Variants in DLGAP2 observed in about 807,000 individuals in gnomAD.
DLGAP2 encodes disks large-associated protein 2.
In DLGAP2, 26 loss-of-function variants were observed where a neutral mutation model predicts 100.3. The ratio of observed to expected loss-of-function variants is 0.26; its 90% CI spans 0.19 to 0.36. The LOEUF (loss-of-function observed/expected upper bound fraction) is 0.36. Among genes scored for constraint, DLGAP2 ranks in the 10% least tolerant of loss-of-function variants. The pLI is 1.00. For synonymous variants in DLGAP2, 886 were observed against 630.1 expected (o/e 1.41, Z -6.08); for missense variants, 1,858 against 1,453.2 (o/e 1.28, Z -4.53).
rs368303387 is a variant in DLGAP2, at chr8:1,303,191, C to A, written c.106+44308C>A. ...GGCGGGTGGATCACAAGGTCAGGAGCTCAAGACCATCCTGGCTAACACGGT... is the reference window on the plus strand; with the variant it reads ...GGCGGGTGGATCACAAGGTCAGGAGATCAAGACCATCCTGGCTAACACGGT... On this transcript the variant is annotated intron_variant, in intron 3 of 14. Transcript: ENST00000637795. 1.9e-3 allele frequency among the ~76,000 whole-genome samples: 296 copies of A among 152,172 alleles called. 1 individual carries two copies. Among genetic ancestry groups the A allele is most frequent in the African/African-American group, 6.4e-3 (266 of 41,530 alleles).
At chr8:907,228 A>G (rs1584880660) in intron 1 of DLGAP2, among the ~76,000 whole-genome samples, 1 of 152,220 alleles carries the variant, frequency 6.6e-6, no homozygotes, top group East Asian at 1.9e-4. Flanking sequence ...AGTATTTAGG[A>G]TAAAAGTTCA....
At chr8:895,258 G>C (rs894369720) in intron 1 of DLGAP2, among the ~76,000 whole-genome samples, 1 of 152,084 alleles carries the variant, frequency 6.6e-6, no homozygotes, top group Non-Finnish European at 1.5e-5. Context: ...ATGCAGGACG[G>C]ATACATCATA....
At chr8:1,195,817 C>T (rs1797738171) in intron 2 of DLGAP2, among the ~76,000 whole-genome samples, 1 of 152,186 alleles carries the variant, frequency 6.6e-6, no homozygotes, top group Non-Finnish European at 1.5e-5. Context: ...GTGACCTGCT[C>T]CGAGGCCTTG....
chr8:1,232,911 A>G (rs1264007868), intron 2 of DLGAP2, among the ~76,000 whole-genome samples: 1 of 152,208 alleles, frequency 6.6e-6, no homozygotes, highest in African/African-American at 2.4e-5. Flanking sequence ...TTTTATCATC[A>G]TTAGTAACCA....
intron 6 of DLGAP2, among the ~76,000 whole-genome samples, chr8:1,625,424 A>AAATGTT (rs1242437768): frequency 1.3e-5 from 2 of 152,254 alleles, no homozygotes; most frequent in Admixed American, 1.3e-4. Flanking sequence ...AACATTTCAC[A>AAATGTT]AAACGGCGAG....
At chr8:1,427,867 C>T (rs538785835) in intron 3 of DLGAP2, among the ~76,000 whole-genome samples, 50 of 152,232 alleles carry the variant, frequency 3.3e-4, no homozygotes, top group African/African-American at 1.2e-3. Flanking sequence ...GAAAATTGAC[C>T]AATACAGTAC....
chr8:1,306,327 T>C (rs1800490309), intron 3 of DLGAP2, among the ~76,000 whole-genome samples: 1 of 152,062 alleles, frequency 6.6e-6, no homozygotes, highest in Non-Finnish European at 1.5e-5. Flanking sequence ...AAGTAAATAA[T>C]TGCATTTATA....
chr8:1,458,386 G>C (rs775061211), intron 3 of DLGAP2, among the ~76,000 whole-genome samples: 2 of 152,152 alleles, frequency 1.3e-5, no homozygotes, highest in Non-Finnish European at 2.9e-5. Context: ...TCAGGTAGAA[G>C]TTATTCTAAC....
intron 3 of DLGAP2, among the ~76,000 whole-genome samples, chr8:1,334,716 G>C (rs139638610): frequency 1.3e-5 from 2 of 152,010 alleles, no homozygotes; most frequent in Non-Finnish European, 2.9e-5. Flanking sequence ...CAGCCAGGCC[G>C]TGTGCCTTCT....
At chr8:1,373,607 T>C (rs572482892) in intron 3 of DLGAP2, 2 of 152,358 alleles carry the variant, frequency 1.3e-5, no homozygotes, top group South Asian at 4.1e-4. Context: ...AGCGGCGCTT[T>C]CTCTACCCAA....
At chr8:776,639 T>C (rs959916357) in intron 1 of DLGAP2, among the ~76,000 whole-genome samples, 7 of 152,224 alleles carry the variant, frequency 4.6e-5, no homozygotes, top group African/African-American at 1.7e-4. Context: ...GGTTGTTCAG[T>C]TTCCATGTAG....
chr8:1,459,384 A>G (rs1798409956), intron 3 of DLGAP2, among the ~76,000 whole-genome samples: 1 of 152,252 alleles, frequency 6.6e-6, no homozygotes, highest in Non-Finnish European at 1.5e-5. Context: ...GCATGTTAAT[A>G]TTTTAAGCGC....
chr8:890,174 G>C (rs779779869), intron 1 of DLGAP2, among the ~76,000 whole-genome samples: 4 of 152,132 alleles, frequency 2.6e-5, no homozygotes, highest in African/African-American at 4.8e-5. Context: ...GCCTCCAAAC[G>C]GCTCTGCTTC....
In DLGAP2 at chr8:1,045,744, T is replaced by A. The variant is rs111749273; in HGVS notation, c.73+137778T>A. ...ACAGGTGTGTGTGTGTTGTCTGTTT[T>A]GTTCACTTTTGGATGGGGACACCCA... On this transcript the variant is annotated intron_variant, in intron 2 of 14. Transcript: ENST00000637795. 8.6e-3 allele frequency among the ~76,000 whole-genome samples: 1,313 copies of A among 152,322 alleles called. 24 individuals carry two copies. Among genetic ancestry groups the A allele is most frequent in the African/African-American group, 0.029 (1,198 of 41,562 alleles).
At chr8:1,557,995 A>G (rs1173371491) in intron 5 of DLGAP2, among the ~76,000 whole-genome samples, 1 of 152,208 alleles carries the variant, frequency 6.6e-6, no homozygotes, top group Non-Finnish European at 1.5e-5. Context: ...TGGGGAAGGC[A>G]GCTTTCTCCC....
intron 3 of DLGAP2, among the ~76,000 whole-genome samples, chr8:1,325,634 G>T (rs1003533127): frequency 6.6e-6 from 1 of 152,192 alleles, no homozygotes; most frequent in Non-Finnish European, 1.5e-5. Flanking sequence ...TACCCTACAG[G>T]GCCTGAACGG....
chr8:804,648 G>A (rs750292516), intron 1 of DLGAP2, among the ~76,000 whole-genome samples: 2 of 152,202 alleles, frequency 1.3e-5, no homozygotes, highest in Non-Finnish European at 2.9e-5. Flanking sequence ...AGTTCATTAT[G>A]TTCTCTCTTT....
At chr8:1,177,084 A>G (rs1269789005) in intron 2 of DLGAP2, among the ~76,000 whole-genome samples, 2 of 152,164 alleles carry the variant, frequency 1.3e-5, no homozygotes, top group African/African-American at 2.4e-5. Flanking sequence ...TTATAACAAT[A>G]TAGTCAACAT....
intron 2 of DLGAP2, among the ~76,000 whole-genome samples, chr8:1,188,713 T>A (rs1797570177): frequency 6.6e-6 from 1 of 152,108 alleles, no homozygotes; most frequent in East Asian, 1.9e-4. Context: ...GGCAAGCAGA[T>A]GAACAGTAAT....
Sources: allele counts gnomAD v4.1 joint callset (sites outside exome capture counted in the v4.1 genomes callset), GRCh38; gene constraint gnomAD v4.1.1; transcripts MANE v1.5; gene names NCBI Gene and HGNC (gene_info 2026-07-23, HGNC 2026-07-21).